Variants in THTPA observed in about 807,000 individuals in gnomAD.
The protein encoded by THTPA is thiamine-triphosphatase.
THTPA carries 16 observed loss-of-function variants against 16.5 expected under a neutral mutation model. The observed-to-expected ratio is 0.97, with a 90% CI of 0.66 to 1.47. The LOEUF (loss-of-function observed/expected upper bound fraction) is 1.47. THTPA is among the 40% of genes most tolerant of loss of function. The probability of loss-of-function intolerance (pLI) is 0.00; values close to 1 mark genes in which losing one functional copy is unlikely to be tolerated. For missense variants in THTPA, 281 were observed against 280.9 expected, an observed-to-expected ratio of 1.00 and a Z score of 0.00; for synonymous variants, 110 against 115.5, an observed-to-expected ratio of 0.95 and a Z score of 0.30.
the THTPA span, chr14:23,522,025 T>G: frequency 6.5e-7 from 1 of 1,536,414 alleles, no homozygotes; most frequent in Non-Finnish European, 8.7e-7. Flanking sequence ...GAGGTAATCT[T>G]GCTTCCTCTT....
chr14:23,530,514 G>A, the THTPA span: 1 of 551,638 alleles, frequency 1.8e-6, no homozygotes, highest in Non-Finnish European at 3.4e-6. Context: ...CAGGAAATGG[G>A]AAGCCCCAGA....
the THTPA span, chr14:23,527,906 T>A: frequency 1.1e-6 from 1 of 901,234 alleles, no homozygotes; most frequent in Non-Finnish European, 1.6e-6. Flanking sequence ...CACTCCTTTT[T>A]TTTTTTTTTT....
upstream of THTPA, among the ~76,000 whole-genome samples, chr14:23,553,730 T>TAAAATTACA (rs1337544998): frequency 4.0e-5 from 6 of 148,216 alleles, no homozygotes; most frequent in African/African-American, 1.5e-4. Flanking sequence ...CCATCTCTAC[T>TAAAATTACA]AAAATTACAA....
In THTPA at chr14:23,556,578, T is replaced by G. The variant is rs1595212061; in HGVS notation, c.-180T>G. 2.0e-5 allele frequency: 13 copies of G among 657,144 alleles called. No individual in the cohort carries two copies. The East Asian group carries it at 3.6e-4, about 18-fold the overall frequency. The allele number at this position is 657,144 out of a possible 1,614,324, so 40.7% of individuals were successfully genotyped here. On this transcript the variant is annotated 5_prime_UTR_variant, in exon 1 of 2. Coordinates refer to ENST00000288014, the MANE Select transcript of THTPA (RefSeq NM_024328.6). ...GCCTTAAAATATCACCGACGGGGCC[T>G]TAATGTCACCGAGGTAGAGAGAAAA...
chr14:23,526,020 TCTC>T, the THTPA span: 3 of 1,535,452 alleles, frequency 2.0e-6, no homozygotes, highest in Non-Finnish European at 2.6e-6. Context: ...GGGCCCTTCT[TCTC>T]AGTGCCCACC....
At chr14:23,553,999 G>A (rs1882158121), upstream of THTPA, among the ~76,000 whole-genome samples, 1 of 142,426 alleles carries the variant, frequency 7.0e-6, no homozygotes, top group Admixed American at 7.3e-5. Context: ...AGGAGGCAGA[G>A]GTTGCAGTGA....
the THTPA span, chr14:23,532,447 T>G: frequency 2.4e-6 from 3 of 1,232,010 alleles, no homozygotes; most frequent in Non-Finnish European, 3.2e-6. Flanking sequence ...ACCTGGTGCA[T>G]ACTTTCCTTT....
the THTPA span, chr14:23,533,653 G>A: frequency 5.6e-5 from 86 of 1,537,008 alleles, no homozygotes; most frequent in East Asian, 2.9e-4. This position sits in a 1 kb window ranked among gnomAD's most constrained non-coding sequence, Gnocchi z 4.8. Context: ...TTTGTCTCCC[G>A]CGGAGGGTGG....
chr14:23,521,789 G>A, the THTPA span: 3 of 1,166,740 alleles, frequency 2.6e-6, no homozygotes, highest in Admixed American at 2.9e-5. Context: ...GAGGAGGCAG[G>A]ACTCTGCTGG....
At chr14:23,526,732 C>T in the THTPA span, 1 of 1,534,554 alleles carries the variant, frequency 6.5e-7, no homozygotes, top group African/African-American at 1.4e-5. Context: ...TTAAGCCAGA[C>T]CCCACCCACT....
chr14:23,535,790 C>T, the THTPA span, among the ~76,000 whole-genome samples: 1 of 152,096 alleles, frequency 6.6e-6, no homozygotes, highest in Non-Finnish European at 1.5e-5. The surrounding 1 kb of genome is among the most constrained non-coding windows in gnomAD (Gnocchi z 4.5). Flanking sequence ...CGGGGTTTCT[C>T]CGTGTTGGTC....
At chr14:23,527,596 G>A in the THTPA span, 1 of 1,536,602 alleles carries the variant, frequency 6.5e-7, no homozygotes, top group Non-Finnish European at 8.7e-7. Context: ...CACCCAGCCT[G>A]TACTCACTAC....
chr14:23,543,108 C>T, the THTPA span: 1 of 152,190 alleles, frequency 6.6e-6, no homozygotes, highest in Non-Finnish European at 1.5e-5. Context: ...GTAATGACTG[C>T]ATTTAAATAG....
chr14:23,550,192 T>C, the THTPA span, among the ~76,000 whole-genome samples: 2 of 152,204 alleles, frequency 1.3e-5, no homozygotes, highest in African/African-American at 2.4e-5. Context: ...TCAACAATGC[T>C]AGGAAGTTCC....
At chr14:23,534,262 G>T in the THTPA span, 4 of 1,529,428 alleles carry the variant, frequency 2.6e-6, no homozygotes, top group Non-Finnish European at 3.5e-6. This position sits in a 1 kb window ranked among gnomAD's most constrained non-coding sequence, Gnocchi z 4.5. Flanking sequence ...GGTTGGGCTG[G>T]GGTCCCAGGT....
At chr14:23,557,336 T>C in intron 1 of THTPA, 32 bp downstream of exon 1, 1 of 1,532,780 alleles carries the variant, frequency 6.5e-7, no homozygotes, top group Non-Finnish European at 8.7e-7. Flanking sequence ...GTGCTTTTCC[T>C]GCTCCCCACT....
chr14:23,539,100 C>T, the THTPA span, among the ~76,000 whole-genome samples: 3 of 152,192 alleles, frequency 2.0e-5, no homozygotes, highest in African/African-American at 7.2e-5. Flanking sequence ...GAGTTCCCTG[C>T]TGCCCCTTCA....
At chr14:23,529,592 G>T in the THTPA span, 1 of 1,041,026 alleles carries the variant, frequency 9.6e-7, no homozygotes, top group Non-Finnish European at 1.4e-6. Flanking sequence ...TCTTAACTGT[G>T]CTATTCTGAG....
At chr14:23,535,425 C>G in the THTPA span, 1 of 1,375,924 alleles carries the variant, frequency 7.3e-7, no homozygotes, top group South Asian at 1.8e-5. This position sits in a 1 kb window ranked among gnomAD's most constrained non-coding sequence, Gnocchi z 4.5. Context: ...GGGACCCCAG[C>G]TGGGCAGCTG....
Sources: allele counts gnomAD v4.1 joint callset (sites outside exome capture counted in the v4.1 genomes callset), GRCh38; gene constraint gnomAD v4.1.1; non-coding constraint Gnocchi (gnomAD v3.1); transcripts MANE v1.5; gene names NCBI Gene and HGNC (gene_info 2026-07-23, HGNC 2026-07-21).